MGAT4A: variants seen among roughly 807,000 people sequenced by gnomAD.
MGAT4A encodes alpha-1,3-mannosyl-glycoprotein 4-beta-N-acetylglucosaminyltransferase A.
MGAT4A carries 33 observed loss-of-function variants against 74.1 expected under a neutral mutation model. That is an observed-to-expected ratio of 0.45 (90% CI 0.34 to 0.60). The LOEUF (loss-of-function observed/expected upper bound fraction) is 0.60, where lower values mean the gene tolerates loss of function less well. Among genes scored for constraint, MGAT4A ranks in the 20% least tolerant of loss-of-function variants. The probability of loss-of-function intolerance (pLI) is 0.02; values close to 1 mark genes in which losing one functional copy is unlikely to be tolerated. For synonymous variants in MGAT4A, 198 were observed against 210.4 expected, an observed-to-expected ratio of 0.94 and a Z score of 0.51; for missense variants, 479 against 628.3, an observed-to-expected ratio of 0.76 and a Z score of 2.54.
chr2:98,629,098 C>A (rs2104214419), intron 14 of MGAT4A, among the ~76,000 whole-genome samples: 1 of 152,290 alleles, frequency 6.6e-6, no homozygotes, highest in Admixed American at 6.5e-5. Context: ...AAAAAGATGA[C>A]TTTTTAAAAA....
At position 98,725,948 on chromosome 2, in the gene MGAT4A, G is replaced by C. The variant is rs775422622; in HGVS notation, c.94+291C>G. The C allele has an allele frequency of 7.1e-5, 29 of 406,934 alleles. No individual in the cohort carries two copies. In the East Asian group the frequency reaches 1.0e-3, roughly 14 times the overall value. The allele number at this position is 406,934 out of a possible 1,614,324, so 25.2% of individuals were successfully genotyped here. A position where few individuals can be genotyped will look rare whatever the true frequency, so the allele number is the denominator to read the frequency against. ...AGTAAAAAGAACAAAATGCCAAAAC[G>C]AAAGTCTTTATTATTCAACTTGGCT... On this transcript the variant is annotated intron_variant, in intron 2 of 15. Coordinates refer to ENST00000393487, the MANE Select transcript of MGAT4A (RefSeq NM_012214.3).
rs1039897329 is a variant in MGAT4A at position 98,726,531 on chromosome 2, C to T, written c.-199G>A. Reference sequence around the variant, plus strand: ...ACAACTGTACTCGGGATCGTCTTTGCGGTCTTCACACGCTGATGCCTCGGC... The same window carrying T: ...ACAACTGTACTCGGGATCGTCTTTGTGGTCTTCACACGCTGATGCCTCGGC... On this transcript the variant is annotated 5_prime_UTR_variant, in exon 2 of 16. Transcript: ENST00000393487. 2.0e-5 allele frequency: 9 copies of T among 457,290 alleles called. No homozygotes were observed. The highest frequency in any genetic ancestry group is 1.2e-4 in the South Asian group (2 of 17,004). 28.3% of individuals were successfully genotyped at this position (457,290 alleles called of 1,614,324 possible).
Position 98,645,452 on chromosome 2 carries a change from C to G in MGAT4A, c.865G>C (p.Glu289Gln), listed in dbSNP as rs754853722. 2 of 1,583,882 alleles carry G rather than the reference C, an allele frequency of 1.3e-6. No homozygotes were observed. Among genetic ancestry groups the G allele is most frequent in the Non-Finnish European group, 8.5e-7 (1 of 1,172,724 alleles). The change falls in exon 9 of 16, where the codon GAG becomes CAG. Residue 289 changes from glutamate to glutamine, a missense_variant. Coordinates refer to ENST00000393487, the MANE Select transcript of MGAT4A (RefSeq NM_012214.3). ...CCAATGAAGCCCAGCTGGGAAAACT[C>G]TAGAATCATCCATTCCTCAGAAGAA... ...QLSSEEWMIL[E>Q]FSQLGFIGKM...
chr2:98,711,703 C>T (rs1324447319), intron 2 of MGAT4A, among the ~76,000 whole-genome samples: 13 of 152,138 alleles, frequency 8.5e-5, no homozygotes, highest in Admixed American at 8.5e-4. Context: ...TAGCCTCAAT[C>T]ATGGCTCACT....
At chr2:98,656,227 GAGACTTACCTA>G (rs1397588014) in intron 7 of MGAT4A, 114 bp downstream of exon 7, 1 of 736,874 alleles carries the variant, frequency 1.4e-6, no homozygotes, top group Non-Finnish European at 2.3e-6. Context: ...TGGACTTAAT[GAGACTTACCTA>G]GAATATTTTA....
At chr2:98,677,183 G>A (rs1435345871) in intron 3 of MGAT4A, among the ~76,000 whole-genome samples, 1 of 152,122 alleles carries the variant, frequency 6.6e-6, no homozygotes, top group Non-Finnish European at 1.5e-5. Flanking sequence ...CTCTGACCAG[G>A]ATTTCTCAGA....
chr2:98,678,505 T>C (rs1221594160), intron 2 of MGAT4A, 34 bp from the exon 3 acceptor site: 4 of 1,384,992 alleles, frequency 2.9e-6, no homozygotes, highest in East Asian at 4.9e-5. Context: ...ATAGTATATG[T>C]CTTAAAACAA....
At chr2:98,696,696 G>A (rs1389210243) in intron 2 of MGAT4A, among the ~76,000 whole-genome samples, 2 of 152,170 alleles carry the variant, frequency 1.3e-5, no homozygotes, top group Non-Finnish European at 2.9e-5. Flanking sequence ...TTCTTTAGGG[G>A]TGGACCACTG....
chr2:98,678,492 G>A, intron 2 of MGAT4A, 21 bp from the exon 3 acceptor site: 1 of 1,526,458 alleles, frequency 6.6e-7, no homozygotes. Flanking sequence ...AACCAAAACA[G>A]TTATAGTATA....
intron 2 of MGAT4A, among the ~76,000 whole-genome samples, chr2:98,681,808 A>T (rs1384240671): frequency 6.6e-6 from 1 of 152,150 alleles, no homozygotes; most frequent in Non-Finnish European, 1.5e-5. Flanking sequence ...GAGTTTTTTT[A>T]AGAACTCTTT....
At chr2:98,702,602 A>G (rs1045296595) in intron 2 of MGAT4A, among the ~76,000 whole-genome samples, 8 of 152,216 alleles carry the variant, frequency 5.3e-5, no homozygotes, top group African/African-American at 1.4e-4. Flanking sequence ...AGGGCAAAGT[A>G]CAGCTGGGGC....
At chr2:98,716,965 T>C (rs1702601622) in intron 2 of MGAT4A, among the ~76,000 whole-genome samples, 1 of 152,212 alleles carries the variant, frequency 6.6e-6, no homozygotes, top group Non-Finnish European at 1.5e-5. Flanking sequence ...TAACCACATT[T>C]TCCATCTGTG....
chr2:98,699,520 CT>C (rs1224507118), intron 2 of MGAT4A, among the ~76,000 whole-genome samples: 2 of 151,488 alleles, frequency 1.3e-5, no homozygotes, highest in Admixed American at 1.3e-4. Context: ...TTTTTTCCCC[CT>C]AAATGCCATT....
Position 98,622,570 on chromosome 2 carries a change from C to G in MGAT4A, c.*2996G>C. Reference sequence around the variant, plus strand: ...TCTTCCCCTCCCTTAATCTTCTGCCCTCACACTGCTCTTAAGGGCGACCAC... The same window carrying G: ...TCTTCCCCTCCCTTAATCTTCTGCCGTCACACTGCTCTTAAGGGCGACCAC... On this transcript the variant is annotated 3_prime_UTR_variant, in exon 16 of 16. Transcript: ENST00000393487. 4.1e-6 allele frequency: 4 copies of G among 985,434 alleles called. No individual in the cohort carries two copies. Among genetic ancestry groups the G allele is most frequent in the Non-Finnish European group, 4.8e-6 (4 of 829,950 alleles). 61.0% of individuals were successfully genotyped at this position (985,434 alleles called of 1,614,324 possible).
rs1247468771 is a variant in MGAT4A at position 98,622,363 on chromosome 2, T to C, written c.*3203A>G. On this transcript the variant is annotated 3_prime_UTR_variant, in exon 16 of 16. Coordinates refer to ENST00000393487, the MANE Select transcript of MGAT4A (RefSeq NM_012214.3). Reference sequence around the variant, plus strand: ...CACTGAGTACTTGGAATGTCACTAGTGTGTGTGATGGCAGAACCGGGTAAA... The same window carrying C: ...CACTGAGTACTTGGAATGTCACTAGCGTGTGTGATGGCAGAACCGGGTAAA... The C allele has an allele frequency of 1.3e-5, 13 of 985,330 alleles. No homozygotes were observed. The Admixed American group carries it at 8.0e-4, about 61-fold the overall frequency. The allele number at this position is 985,330 out of a possible 1,614,324, so 61.0% of individuals were successfully genotyped here.
intron 2 of MGAT4A, among the ~76,000 whole-genome samples, chr2:98,679,487 C>T (rs935995629): frequency 6.7e-6 from 1 of 148,608 alleles, no homozygotes. Flanking sequence ...AAAAAATTAG[C>T]TAGGCATGGT....
intron 5 of MGAT4A, among the ~76,000 whole-genome samples, chr2:98,662,026 G>A (rs1312950531): frequency 6.6e-6 from 1 of 152,168 alleles, no homozygotes; most frequent in African/African-American, 2.4e-5. Context: ...CACAAACATG[G>A]ACAGGAGGAA....
intron 4 of MGAT4A, among the ~76,000 whole-genome samples, chr2:98,673,444 T>C (rs1013829295): frequency 6.6e-6 from 1 of 152,192 alleles, no homozygotes; most frequent in Non-Finnish European, 1.5e-5. Context: ...AAAGGTCCTG[T>C]AACTAAAAAT....
At chr2:98,681,488 G>A (rs1289983281) in intron 2 of MGAT4A, among the ~76,000 whole-genome samples, 1 of 152,162 alleles carries the variant, frequency 6.6e-6, no homozygotes, top group Non-Finnish European at 1.5e-5. Flanking sequence ...TCAGTCCAGA[G>A]AGTGTGGACA....
Sources: gnomAD v4.1 joint callset for allele counts (sites outside exome capture counted in the v4.1 genomes callset) on GRCh38, gnomAD v4.1.1 for gene constraint, MANE v1.5 for transcripts, NCBI Gene and HGNC (gene_info 2026-07-23, HGNC 2026-07-21) for gene names.